LAMB1: variants seen among roughly 807,000 people sequenced by gnomAD.
The protein encoded by LAMB1 is laminin subunit beta-1.
LAMB1 carries 121 observed loss-of-function variants against 222.3 expected under a neutral mutation model. The observed-to-expected ratio is 0.54, with a 90% confidence interval of 0.47 to 0.63. The LOEUF (loss-of-function observed/expected upper bound fraction) is 0.63. LAMB1 is among the 30% of genes least tolerant of loss of function. LAMB1 has a pLI of 0.00. For missense variants in LAMB1, 2,172 were observed against 2,240.8 expected (o/e 0.97, Z 0.62); for synonymous variants, 794 against 807.2 (o/e 0.98, Z 0.28).
In LAMB1 at chr7:107,929,216, A is replaced by G. The variant is rs2032644272; in HGVS notation, c.4746-11T>C. 2 of 1,613,682 alleles carry G rather than the reference A, an allele frequency of 1.2e-6. No homozygotes were observed. The highest frequency in any genetic ancestry group is 2.7e-5 in the African/African-American group (2 of 74,890). On this transcript the variant is annotated splice_polypyrimidine_tract_variant and intron_variant, in intron 30 of 33. Coordinates refer to ENST00000222399, the MANE Select transcript of LAMB1 (RefSeq NM_002291.3). ...TCTGTTGCACTTTTGCTGAGTAAAA[A>G]ATAATGAGACAGTATATTGTTGCTG...
At chr7:107,994,347 T>C (rs1253829931) in intron 5 of LAMB1, among the ~76,000 whole-genome samples, 1 of 152,212 alleles carries the variant, frequency 6.6e-6, no homozygotes, top group Non-Finnish European at 1.5e-5. Flanking sequence ...AACTGTTCCT[T>C]AAGCTATTAT....
chr7:107,954,820 A>G (rs1422829689), intron 21 of LAMB1, among the ~76,000 whole-genome samples: 4 of 152,050 alleles, frequency 2.6e-5, no homozygotes, highest in Non-Finnish European at 5.9e-5. Context: ...GAATTACAGA[A>G]ACTGAAAAGT....
Position 107,975,225 on chromosome 7 carries a change from C to T in LAMB1, c.1369+9G>A, listed in dbSNP as rs763377567. ...GAAAACTCCCAAACTTTTTAGCAAACAGACCTACATTTACAACCAAATGGA... is the reference window on the plus strand; with the variant it reads ...GAAAACTCCCAAACTTTTTAGCAAATAGACCTACATTTACAACCAAATGGA... On this transcript the variant is annotated intron_variant, in intron 11 of 33. Transcript: ENST00000222399. 1.9e-5 allele frequency: 30 copies of T among 1,602,634 alleles called. No homozygotes were observed. The highest frequency in any genetic ancestry group is 2.4e-5 in the Non-Finnish European group (28 of 1,171,830).
At position 107,964,703 on chromosome 7, in the gene LAMB1, A is replaced by G. The variant is rs770983741; in HGVS notation, c.1563-16T>C. The G allele has an allele frequency of 1.2e-6, 2 of 1,613,846 alleles. No individual in the cohort carries two copies. Among genetic ancestry groups the G allele is most frequent in the Admixed American group, 1.7e-5 (1 of 59,992 alleles). On this transcript the variant is annotated splice_polypyrimidine_tract_variant and intron_variant, in intron 13 of 33. Coordinates refer to ENST00000222399, the MANE Select transcript of LAMB1 (RefSeq NM_002291.3). ...CGCAAAGCAACTGGAAGGGAGGAGG[A>G]GCCACATCAGCTGAGTTCATGGTCA...
chr7:107,962,831 T>C lies in LAMB1; in HGVS notation c.1857+74A>G, dbSNP rs1044687418. The C allele has an allele frequency of 1.5e-5, 19 of 1,230,898 alleles. No individual in the cohort carries two copies. The Admixed American group carries it at 2.1e-4, about 14-fold the overall frequency. The allele number at this position is 1,230,898 out of a possible 1,614,324, so 76.2% of individuals were successfully genotyped here. The stretch of plus-strand genomic sequence containing the variant: ...CTCCATATTTCATAACTATATATAA[T>C]ACCCATTAGAAGTACTATTTTTCTA... On this transcript the variant is annotated intron_variant, in intron 15 of 33. Transcript: ENST00000222399.
chr7:107,968,250 T>C (rs147153365), intron 13 of LAMB1, among the ~76,000 whole-genome samples: 2 of 152,332 alleles, frequency 1.3e-5, no homozygotes, highest in African/African-American at 4.8e-5. Context: ...TGTGTTCAAG[T>C]AAAAATCAAA....
At chr7:107,925,012 C>G (rs1429844024) in intron 32 of LAMB1, among the ~76,000 whole-genome samples, 3 of 152,054 alleles carry the variant, frequency 2.0e-5, no homozygotes, top group Admixed American at 6.6e-5. Flanking sequence ...GCAAAATGCC[C>G]TGAAGCAGAG....
At chr7:107,974,886 C>T (rs1280876022) in intron 12 of LAMB1, 100 bp downstream of exon 12, 5 of 727,218 alleles carry the variant, frequency 6.9e-6, no homozygotes, top group East Asian at 4.9e-5. Flanking sequence ...AACACGTACA[C>T]GTGAGGGTGA....
chr7:107,975,357 C>A lies in LAMB1; in HGVS notation c.1246G>T (p.Asp416Tyr). The change falls in exon 11 of 34, where the codon GAT (aspartate) becomes TAT (tyrosine). Residue 416 changes from aspartate (D) to tyrosine (Y), a missense_variant. Asp to Tyr is a radical substitution (Grantham distance 160). Transcript: ENST00000222399. ...QNEGICDSYT[D>Y]FSTGLIAGQC... ...CCAGCAATGAGACCAGTAGAAAAAT[C>A]AGTATAGCTGTCACAAATTCCCTCA... 1 of 1,614,080 alleles carries A rather than the reference C, an allele frequency of 6.2e-7. No individual in the cohort carries two copies. Among genetic ancestry groups the A allele is most frequent in the African/African-American group, 1.3e-5 (1 of 75,038 alleles).
rs2230156 is a variant in LAMB1, at chr7:107,962,986, A to G, written c.1776T>C (p.Pro592=). ...TGAAAAACTCCAAATAAGCCCCTTC[A>G]GGCACTCGGACGAAGCCGGCTCCAG... is the stretch of plus-strand genomic sequence containing the variant. The part of the protein sequence containing the change: ...SWTGAGFVRV[P]EGAYLEFFID... Residue 592 remains proline (P), a synonymous_variant, in exon 15 of 34, where the codon CCT becomes CCC. Coordinates refer to ENST00000222399, the MANE Select transcript of LAMB1 (RefSeq NM_002291.3). The G allele has an allele frequency of 6.2e-7, 1 of 1,613,706 alleles. No homozygotes were observed. Among genetic ancestry groups the G allele is most frequent in the Non-Finnish European group, 8.5e-7 (1 of 1,179,876 alleles).
At chr7:107,978,585 G>A (rs1308159909) in intron 8 of LAMB1, among the ~76,000 whole-genome samples, 4 of 151,814 alleles carry the variant, frequency 2.6e-5, no homozygotes, top group Non-Finnish European at 4.4e-5. Context: ...ATTACTGCAC[G>A]ATTTACCACT....
At position 107,962,864 on chromosome 7, in the gene LAMB1, T is replaced by TC. The variant is rs1165145554; in HGVS notation, c.1857+40dup. ...AGAAGTACTATTTTTCTACTGATTC[T>TC]CCCCTCCCTCCTCCACCAGTCCACT... On this transcript the variant is annotated intron_variant, in intron 15 of 33. Coordinates refer to ENST00000222399, the MANE Select transcript of LAMB1 (RefSeq NM_002291.3). 19 of 1,560,990 alleles carry TC rather than the reference T, an allele frequency of 1.2e-5. No individual in the cohort carries two copies. The African/African-American group carries it at 2.2e-4, about 18-fold the overall frequency.
In LAMB1 at chr7:108,001,711, G is replaced by A. The variant is rs2034388218; in HGVS notation, c.60C>T (p.Arg20=). Residue 20 remains arginine (R), a synonymous_variant, in exon 3 of 34, where the codon CGC becomes CGT. Transcript: ENST00000222399. The stretch of plus-strand genomic sequence containing the variant: ...CGTAGCTGAACTCGGGTTCCTGAGC[G>A]CGCACTCGGGCTCTGCACAGGGCTG... ...SFLALCRARV[R]AQEPEFSYGC... is the part of the protein sequence containing the mutation. The A allele has an allele frequency of 6.2e-7, 1 of 1,612,868 alleles. No individual in the cohort carries two copies. Among genetic ancestry groups the A allele is most frequent in the Non-Finnish European group, 8.5e-7 (1 of 1,179,864 alleles).
chr7:107,985,827 C>T (rs1359242498), intron 7 of LAMB1, among the ~76,000 whole-genome samples, 195 bp downstream of exon 7: 4 of 149,674 alleles, frequency 2.7e-5, no homozygotes, highest in African/African-American at 4.9e-5. Flanking sequence ...CGTGGTGGCA[C>T]ATGCCTGTAA....
chr7:107,985,503 C>T (rs2034056374), intron 7 of LAMB1, among the ~76,000 whole-genome samples: 1 of 152,120 alleles, frequency 6.6e-6, no homozygotes, highest in South Asian at 2.1e-4. Flanking sequence ...GTGGCGGGCA[C>T]CTGTAATCCC....
intron 22 of LAMB1, 38 bp downstream of exon 22, chr7:107,953,492 T>G: frequency 7.1e-7 from 1 of 1,404,748 alleles, no homozygotes; most frequent in Non-Finnish European, 1.0e-6. Context: ...AAGGTGGAAG[T>G]CATTCTAAGA....
chr7:108,002,963 T>C lies in LAMB1; in HGVS notation c.-78A>G. The C allele has an allele frequency of 6.2e-7, 1 of 1,606,088 alleles. No individual in the cohort carries two copies. The highest frequency in any genetic ancestry group is 8.5e-7 in the Non-Finnish European group (1 of 1,177,766). On this transcript the variant is annotated 5_prime_UTR_variant, in exon 2 of 34. Transcript: ENST00000222399. ...CCGAGCCGCCTGCCCTTTCTTCCCGTCTTCCTTTCTGGAGAGGTGGAAAGG... is the reference window on the plus strand; with the variant it reads ...CCGAGCCGCCTGCCCTTTCTTCCCGCCTTCCTTTCTGGAGAGGTGGAAAGG...
intron 24 of LAMB1, among the ~76,000 whole-genome samples, chr7:107,944,454 T>C (rs2033067455): frequency 6.6e-6 from 1 of 152,010 alleles, no homozygotes; most frequent in Non-Finnish European, 1.5e-5. Flanking sequence ...AACATTCCTT[T>C]CTCCCACCTG....
intron 24 of LAMB1, among the ~76,000 whole-genome samples, chr7:107,943,851 G>C (rs1444743159): frequency 1.3e-5 from 2 of 152,190 alleles, no homozygotes; most frequent in Admixed American, 6.5e-5. Context: ...GTGAGAGATG[G>C]AGAAAGAGAT....
Sources: allele counts gnomAD v4.1 joint callset (sites outside exome capture counted in the v4.1 genomes callset), GRCh38; gene constraint gnomAD v4.1.1; transcripts MANE v1.5; gene names NCBI Gene and HGNC (gene_info 2026-07-23, HGNC 2026-07-21).